UVRAG: variants seen among roughly 807,000 people sequenced by gnomAD.
UVRAG encodes the protein UV radiation resistance associated.
A neutral mutation model predicts 78.0 loss-of-function variants in UVRAG; 19 were observed. The observed-to-expected ratio is 0.24, with a 90% CI of 0.17 to 0.36. The LOEUF (loss-of-function observed/expected upper bound fraction) is 0.36. Ranked by LOEUF, UVRAG falls within the 10% of genes least tolerant of loss-of-function variation. UVRAG has a pLI of 1.00. For missense variants in UVRAG, 740 were observed against 853.8 expected (o/e 0.87, Z 1.66); for synonymous variants, 323 against 324.6 (o/e 1.00, Z 0.05).
At chr11:76,009,609 C>G (rs1474503436) in intron 11 of UVRAG, among the ~76,000 whole-genome samples, 2 of 152,114 alleles carry the variant, frequency 1.3e-5, no homozygotes, top group African/African-American at 4.8e-5. Flanking sequence ...AAGAAGAGAG[C>G]ATTGCTAGTT....
rs1324455901 is a variant in UVRAG, at chr11:75,839,463, G to A, written c.118-12420G>A. On this transcript the variant is annotated intron_variant, in intron 1 of 14. Transcript: ENST00000356136. Reference sequence around the variant, plus strand: ...TTAAGCCTTCTGGAATTTAATGTAAGGCATAGGATGTGTGTGTGTGTGTAT... The same window carrying A: ...TTAAGCCTTCTGGAATTTAATGTAAAGCATAGGATGTGTGTGTGTGTGTAT... Among the ~76,000 whole-genome samples, 3 of 150,424 alleles carry A rather than the reference G, an allele frequency of 2.0e-5. No individual in the cohort carries two copies. The East Asian group carries it at 6.0e-4, about 30-fold the overall frequency.
chr11:75,903,098 C>T (rs570779657), intron 5 of UVRAG, among the ~76,000 whole-genome samples: 33 of 151,978 alleles, frequency 2.2e-4, no homozygotes, highest in African/African-American at 8.0e-4. Context: ...CCCCACCTTC[C>T]TCCTCCTCCT....
intron 13 of UVRAG, among the ~76,000 whole-genome samples, chr11:76,108,373 C>A (rs1382537084): frequency 6.6e-6 from 1 of 152,160 alleles, no homozygotes; most frequent in African/African-American, 2.4e-5. Context: ...TTACTGGGTG[C>A]AAGAACACAG....
chr11:75,865,301 AAAAAAAAAG>A (rs1946513680), intron 3 of UVRAG, among the ~76,000 whole-genome samples: 1 of 151,446 alleles, frequency 6.6e-6, no homozygotes, highest in Admixed American at 6.6e-5. Flanking sequence ...AAAAAAAAAA[AAAAAAAAAG>A]ATAAAAAAGA....
At chr11:76,045,310 C>T (rs1207891036) in intron 12 of UVRAG, among the ~76,000 whole-genome samples, 1 of 152,226 alleles carries the variant, frequency 6.6e-6, no homozygotes, top group Non-Finnish European at 1.5e-5. Flanking sequence ...TTCCAGTTCT[C>T]TGCTAATAAC....
chr11:75,973,840 A>G (rs1591080272), intron 7 of UVRAG, among the ~76,000 whole-genome samples: 1 of 152,174 alleles, frequency 6.6e-6, no homozygotes, highest in East Asian at 1.9e-4. Context: ...TTTGCTCAGA[A>G]TGATGGTTTC....
At chr11:75,880,898 A>G (rs1252442882) in intron 4 of UVRAG, among the ~76,000 whole-genome samples, 1 of 69,934 alleles carries the variant, frequency 1.4e-5, no homozygotes, top group Non-Finnish European at 3.3e-5. Flanking sequence ...GCTCCATAAT[A>G]TTTTCTTTCT....
rs200096974 is a variant in UVRAG at position 75,884,498 on chromosome 11, G to A, written c.433-4331G>A. On this transcript the variant is annotated intron_variant, in intron 4 of 14. Coordinates refer to ENST00000356136, the MANE Select transcript of UVRAG (RefSeq NM_003369.4). ...TCTTTGCCTAACCCAAGGTCACAAA[G>A]ACTTTTTCCTTTGTTTTCTTTTGTA... 9.2e-5 allele frequency among the ~76,000 whole-genome samples: 14 copies of A among 152,112 alleles called. No homozygotes were observed. In the East Asian group the frequency reaches 1.9e-3, roughly 21 times the overall value.
At chr11:75,922,035 A>G (rs910641569) in intron 6 of UVRAG, among the ~76,000 whole-genome samples, 3 of 152,184 alleles carry the variant, frequency 2.0e-5, no homozygotes, top group African/African-American at 7.2e-5. Context: ...TCAGAACTTT[A>G]TTCTTTTATG....
intron 5 of UVRAG, among the ~76,000 whole-genome samples, chr11:75,898,801 C>G (rs772108714): frequency 3.3e-5 from 5 of 152,020 alleles, no homozygotes; most frequent in Non-Finnish European, 5.9e-5. Flanking sequence ...ATGCTGAAAC[C>G]CAGAGAAGTT....
At chr11:76,093,913 G>A (rs1198605170) in intron 13 of UVRAG, among the ~76,000 whole-genome samples, 3 of 152,224 alleles carry the variant, frequency 2.0e-5, no homozygotes, top group Non-Finnish European at 4.4e-5. Flanking sequence ...GGAGTGGTGA[G>A]AGAGGGCATC....
At chr11:76,025,943 A>G (rs1382558982) in intron 12 of UVRAG, among the ~76,000 whole-genome samples, 42 of 152,106 alleles carry the variant, frequency 2.8e-4, no homozygotes, top group Admixed American at 2.8e-3. Flanking sequence ...GGTCAAGAGG[A>G]TTATGGACCT....
At chr11:76,072,007 G>A (rs1273815659) in intron 13 of UVRAG, among the ~76,000 whole-genome samples, 1 of 152,140 alleles carries the variant, frequency 6.6e-6, no homozygotes, top group East Asian at 1.9e-4. Flanking sequence ...CTGGAGGTCA[G>A]TACAGGGTAT....
chr11:76,062,897 A>G (rs1211971188), intron 12 of UVRAG, among the ~76,000 whole-genome samples: 3 of 151,664 alleles, frequency 2.0e-5, no homozygotes, highest in Non-Finnish European at 4.4e-5. Flanking sequence ...AAATACTTTC[A>G]CTCCCAGAAC....
intron 6 of UVRAG, among the ~76,000 whole-genome samples, chr11:75,920,007 G>GGTTTTTTTTTT (rs1947940712): frequency 1.4e-5 from 1 of 72,730 alleles, no homozygotes; most frequent in East Asian, 4.8e-4. Context: ...AAATAATTTT[G>GGTTTTTTTTTT]GTTTTTTTTT....
intron 5 of UVRAG, among the ~76,000 whole-genome samples, chr11:75,897,989 C>T (rs373841956): frequency 1.3e-5 from 2 of 150,814 alleles, no homozygotes; most frequent in East Asian, 2.0e-4. Context: ...CTCTCTCAGC[C>T]TCCCGAGTGG....
chr11:75,926,525 T>C (rs1302368782), intron 6 of UVRAG, among the ~76,000 whole-genome samples: 2 of 152,126 alleles, frequency 1.3e-5, no homozygotes, highest in African/African-American at 4.8e-5. Flanking sequence ...TTTAAACTCA[T>C]GAAAAATTCA....
At chr11:76,055,536 TTATC>T (rs1460618333) in intron 12 of UVRAG, among the ~76,000 whole-genome samples, 1 of 152,166 alleles carries the variant, frequency 6.6e-6, no homozygotes, top group Non-Finnish European at 1.5e-5. Context: ...ATCTTTCCAT[TTATC>T]TATCTGTTTA....
chr11:75,849,230 G>A (rs1164379901), intron 1 of UVRAG, among the ~76,000 whole-genome samples: 3 of 150,824 alleles, frequency 2.0e-5, no homozygotes, highest in Admixed American at 6.6e-5. Context: ...ATGGACGGGC[G>A]GGTGGTGGCT....
Sources: allele counts gnomAD v4.1 joint callset (sites outside exome capture counted in the v4.1 genomes callset), GRCh38; gene constraint gnomAD v4.1.1; transcripts MANE v1.5; gene names NCBI Gene and HGNC (gene_info 2026-07-23, HGNC 2026-07-21).